The following SCD5 variants were observed in gnomAD, a reference collection of about 807,000 sequenced individuals.
The protein encoded by SCD5 is stearoyl-CoA desaturase 5.
Under a neutral mutation model 30.4 loss-of-function variants are expected in SCD5, and 20 were observed. The observed-to-expected ratio is 0.66, with a 90% CI of 0.46 to 0.96. SCD5 has a LOEUF of 0.96. Ranked by LOEUF, SCD5 falls within the 40% of genes least tolerant of loss-of-function variation. The probability of loss-of-function intolerance (pLI) is 0.00; values close to 1 mark genes in which losing one functional copy is unlikely to be tolerated. For synonymous variants in SCD5, 173 were observed against 176.4 expected (o/e 0.98, Z 0.16); for missense variants, 381 against 443.3 (o/e 0.86, Z 1.26).
At chr4:82,639,620 G>C (rs973341466) in intron 3 of SCD5, among the ~76,000 whole-genome samples, 9 of 152,330 alleles carry the variant, frequency 5.9e-5, no homozygotes, top group Middle Eastern at 3.4e-3. Context: ...ACGTCTGTGT[G>C]GAGCACACAG....
chr4:82,635,724 G>GT (rs764297118), intron 4 of SCD5, among the ~76,000 whole-genome samples: 17 of 151,952 alleles, frequency 1.1e-4, no homozygotes, highest in Admixed American at 2.6e-4. Context: ...CCAGGAGGAG[G>GT]TAAGTGCTAG....
chr4:82,718,649 T>C (rs1432797788), intron 1 of SCD5, among the ~76,000 whole-genome samples: 1 of 151,846 alleles, frequency 6.6e-6, no homozygotes, highest in Non-Finnish European at 1.5e-5. Context: ...AATTTAATAA[T>C]GCAATATTCT....
At chr4:82,705,612 T>C (rs958172212) in intron 1 of SCD5, among the ~76,000 whole-genome samples, 199 bp from the exon 2 acceptor site, 1 of 152,228 alleles carries the variant, frequency 6.6e-6, no homozygotes, top group Admixed American at 6.5e-5. Flanking sequence ...AGCAGAGAAC[T>C]TTCTTCAGCA....
chr4:82,638,990 A>C (rs1294538178), intron 3 of SCD5, among the ~76,000 whole-genome samples: 1 of 152,254 alleles, frequency 6.6e-6, no homozygotes, highest in Non-Finnish European at 1.5e-5. Flanking sequence ...CGCAAGACTC[A>C]TAGGTGGTGG....
intron 1 of SCD5, among the ~76,000 whole-genome samples, chr4:82,793,127 G>A (rs541354977): frequency 3.9e-5 from 6 of 152,194 alleles, no homozygotes; most frequent in Non-Finnish European, 7.3e-5. Context: ...GAATTACAAC[G>A]TTTGAAAGGA....
Position 82,705,332 on chromosome 4 carries a change from T to G in SCD5, c.314A>C (p.Lys105Thr), listed in dbSNP as rs768431377. 1 of 1,614,228 alleles carries G rather than the reference T, an allele frequency of 6.2e-7. No homozygotes were observed. The highest frequency in any genetic ancestry group is 1.1e-5 in the South Asian group (1 of 91,086). ...AGCCAGAAATATCCTCAGAGGCAGC[T>G]TGGCCCGGTAGGACCTGTGGCTCCA... ...RLWSHRSYRA[K>T]LPLRIFLAVA... Residue 105 changes from lysine (K) to threonine (T), a missense_variant, in exon 2 of 5, where the codon AAG (lysine) becomes ACG (threonine). Transcript: ENST00000319540.
chr4:82,774,706 T>A (rs930135106), intron 1 of SCD5, among the ~76,000 whole-genome samples: 13 of 152,136 alleles, frequency 8.5e-5, no homozygotes, highest in Admixed American at 8.5e-4. Flanking sequence ...GTAAGAGGAA[T>A]TTACTGCCTG....
chr4:82,744,368 C>T (rs951585726), intron 1 of SCD5, among the ~76,000 whole-genome samples: 2 of 152,268 alleles, frequency 1.3e-5, no homozygotes, highest in African/African-American at 4.8e-5. Flanking sequence ...TACTCAGGTA[C>T]AAAAAGTCCC....
At chr4:82,714,212 G>A (rs1393531178) in intron 1 of SCD5, among the ~76,000 whole-genome samples, 1 of 152,096 alleles carries the variant, frequency 6.6e-6, no homozygotes, top group East Asian at 1.9e-4. Context: ...TCCCCACCTG[G>A]ATCCTATTCC....
intron 4 of SCD5, among the ~76,000 whole-genome samples, chr4:82,634,120 T>C (rs1235787085): frequency 6.6e-6 from 1 of 152,278 alleles, no homozygotes; most frequent in Non-Finnish European, 1.5e-5. Flanking sequence ...TTTCATTATA[T>C]GGATGTACAA....
At chr4:82,729,793 A>G (rs945919851) in intron 1 of SCD5, among the ~76,000 whole-genome samples, 2 of 152,086 alleles carry the variant, frequency 1.3e-5, no homozygotes, top group African/African-American at 2.4e-5. Context: ...TCCCCTCTCT[A>G]CCAGGAAGGA....
intron 3 of SCD5, among the ~76,000 whole-genome samples, chr4:82,649,597 A>G (rs1276250660): frequency 6.6e-6 from 1 of 152,062 alleles, no homozygotes; most frequent in Admixed American, 6.6e-5. Context: ...TGCCCTTAGG[A>G]GACTACCTTT....
At chr4:82,674,484 A>G (rs1728393702) in intron 3 of SCD5, among the ~76,000 whole-genome samples, 1 of 152,222 alleles carries the variant, frequency 6.6e-6, no homozygotes, top group Admixed American at 6.5e-5. Flanking sequence ...AAATGTTGGC[A>G]AGATTTTGGA....
chr4:82,671,776 G>A (rs1485551562), intron 3 of SCD5, among the ~76,000 whole-genome samples: 1 of 152,204 alleles, frequency 6.6e-6, no homozygotes, highest in African/African-American at 2.4e-5. Flanking sequence ...TACTCAGGAA[G>A]CTGAGGCAGG....
chr4:82,747,070 C>G lies in SCD5; in HGVS notation c.233-41657G>C, dbSNP rs1025276560. ...GTTAGAGAAAAGTCTGGGCAACCTG[C>G]CCCCCAAGAAAGACGACCTTCCCAC... On this transcript the variant is annotated intron_variant, in intron 1 of 4. Coordinates refer to ENST00000319540, the MANE Select transcript of SCD5 (RefSeq NM_001037582.3). 8.6e-5 allele frequency among the ~76,000 whole-genome samples: 3 copies of G among 34,772 alleles called. 1 individual carries two copies. Among genetic ancestry groups the G allele is most frequent in the Non-Finnish European group, 3.3e-4 (3 of 9,066 alleles). 22.8% of individuals were successfully genotyped at this position (34,772 alleles called of 152,430 possible).
chr4:82,747,086 A>T (rs1001602676), intron 1 of SCD5, among the ~76,000 whole-genome samples: 1 of 134,666 alleles, frequency 7.4e-6, no homozygotes, highest in Non-Finnish European at 1.7e-5. Context: ...AAGAAAGACG[A>T]CCTTCCCACT....
At chr4:82,677,880 G>T (rs1417086352) in intron 3 of SCD5, among the ~76,000 whole-genome samples, 1 of 151,946 alleles carries the variant, frequency 6.6e-6, no homozygotes, top group African/African-American at 2.4e-5. Flanking sequence ...CATCTTAAAA[G>T]CCTTTCTGCT....
At chr4:82,636,920 G>A in intron 3 of SCD5, 97 bp from the exon 4 acceptor site, 1 of 1,041,660 alleles carries the variant, frequency 9.6e-7, no homozygotes, top group Non-Finnish European at 1.4e-6. Flanking sequence ...AGCCCAGGGA[G>A]AGAACTGTGC....
chr4:82,677,213 T>TG (rs1728456373), intron 3 of SCD5, among the ~76,000 whole-genome samples: 1 of 152,200 alleles, frequency 6.6e-6, no homozygotes, highest in South Asian at 2.1e-4. Context: ...CATTGCACCC[T>TG]GGGAGTGTGG....
Sources: gnomAD v4.1 joint callset for allele counts (sites outside exome capture counted in the v4.1 genomes callset) on GRCh38, gnomAD v4.1.1 for gene constraint, MANE v1.5 for transcripts, NCBI Gene and HGNC (gene_info 2026-07-23, HGNC 2026-07-21) for gene names.